TRAM2: variants seen among roughly 807,000 people sequenced by gnomAD.
The protein encoded by TRAM2 is translocation associated membrane protein 2, also known as translocating chain-associated membrane protein 2.
A neutral mutation model predicts 51.0 loss-of-function variants in TRAM2; 12 were observed. The observed-to-expected ratio is 0.24, with a 90% CI of 0.15 to 0.38. TRAM2 has a LOEUF of 0.38. Ranked by LOEUF, TRAM2 falls within the 10% of genes least tolerant of loss-of-function variation. TRAM2 has a pLI of 1.00. For missense variants in TRAM2, 361 were observed against 462.0 expected, an observed-to-expected ratio of 0.78 and a Z score of 2.00; for synonymous variants, 175 against 179.4, an observed-to-expected ratio of 0.98 and a Z score of 0.20.
chr6:52,516,649 C>T lies in TRAM2; in HGVS notation c.273G>A (p.Val91=). The change falls in exon 3 of 11, where the codon GTG becomes GTA. Residue 91 remains valine, a synonymous_variant. Coordinates refer to ENST00000182527, the MANE Select transcript of TRAM2 (RefSeq NM_012288.4). ...TTACATCTAAAATGTACTCCTGAAC[C>T]ACAGCATGCAAGATGATGGTGATGA... is the stretch of plus-strand genomic sequence containing the variant. ...YIFITIILHA[V]VQEYILDKIS... 6.2e-7 allele frequency: 1 copy of T among 1,614,002 alleles called. No individual in the cohort carries two copies. Among genetic ancestry groups the T allele is most frequent in the East Asian group, 2.2e-5 (1 of 44,884 alleles).
intron 2 of TRAM2, among the ~76,000 whole-genome samples, chr6:52,518,957 C>A (rs1766610111): frequency 6.6e-6 from 1 of 152,244 alleles, no homozygotes; most frequent in Non-Finnish European, 1.5e-5. Context: ...CTTAGATTAT[C>A]CATTTTAAAG....
intron 10 of TRAM2, 87 bp from the exon 11 acceptor site, chr6:52,503,357 G>A: frequency 8.0e-7 from 1 of 1,242,704 alleles, no homozygotes; most frequent in Non-Finnish European, 1.2e-6. Flanking sequence ...CCAAGGAAGG[G>A]GCCCGGGCAG....
chr6:52,535,553 C>A (rs564943475), intron 2 of TRAM2, among the ~76,000 whole-genome samples: 1 of 152,120 alleles, frequency 6.6e-6, no homozygotes, highest in South Asian at 2.1e-4. Flanking sequence ...TGGTGGCACA[C>A]GCCTGTAATC....
Position 52,502,321 on chromosome 6 carries a change from C to G in TRAM2, c.*876G>C, listed in dbSNP as rs1001328040. On this transcript the variant is annotated 3_prime_UTR_variant, in exon 11 of 11. Transcript: ENST00000182527. Reference sequence around the variant, plus strand: ...TGAATGGCTGAAAAAGCAATGGCGACTGGGACTGCTGGAGAAAGGCCTAGG... The same window carrying G: ...TGAATGGCTGAAAAAGCAATGGCGAGTGGGACTGCTGGAGAAAGGCCTAGG... 6 of 152,348 alleles carry G rather than the reference C, an allele frequency of 3.9e-5. No homozygotes were observed. The highest frequency in any genetic ancestry group is 1.2e-4 in the African/African-American group (5 of 41,480). The allele number at this position is 152,348 out of a possible 1,614,324, so 9.4% of individuals were successfully genotyped here. A position where few individuals can be genotyped will look rare whatever the true frequency, so the allele number is the denominator to read the frequency against.
chr6:52,505,969 C>T (rs532835969), intron 8 of TRAM2, 63 bp downstream of exon 8: 276 of 1,567,812 alleles, frequency 1.8e-4, no homozygotes, highest in Admixed American at 2.5e-4. Flanking sequence ...TCCAACCATC[C>T]GGGCCTCGGG....
At chr6:52,531,540 A>G (rs941107827) in intron 2 of TRAM2, among the ~76,000 whole-genome samples, 1 of 152,164 alleles carries the variant, frequency 6.6e-6, no homozygotes, top group Non-Finnish European at 1.5e-5. Flanking sequence ...CAGGAGCAGA[A>G]TTCAATAGTG....
chr6:52,504,986 G>A (rs1227599374), intron 9 of TRAM2, among the ~76,000 whole-genome samples: 4 of 152,252 alleles, frequency 2.6e-5, no homozygotes, highest in African/African-American at 4.8e-5. Flanking sequence ...AGGAAGTGGC[G>A]ACAGACGTAC....
chr6:52,571,953 G>T (rs1376244930), intron 1 of TRAM2, among the ~76,000 whole-genome samples: 2 of 152,194 alleles, frequency 1.3e-5, no homozygotes. Context: ...GGTAGTTAGG[G>T]TTAAAATGTC....
chr6:52,524,621 AGT>A (rs1306299177), intron 2 of TRAM2: 12 of 152,314 alleles, frequency 7.9e-5, no homozygotes, highest in African/African-American at 2.9e-4. Flanking sequence ...TGTACAGGAA[AGT>A]GTTTTAATAC....
chr6:52,544,585 C>T (rs1767164471), intron 1 of TRAM2, among the ~76,000 whole-genome samples: 1 of 152,218 alleles, frequency 6.6e-6, no homozygotes, highest in Admixed American at 6.5e-5. Context: ...CGTTTGAGTC[C>T]ATCTTGCTCG....
intron 5 of TRAM2, among the ~76,000 whole-genome samples, chr6:52,509,220 G>A (rs1766404466): frequency 6.6e-6 from 1 of 152,182 alleles, no homozygotes; most frequent in Non-Finnish European, 1.5e-5. Context: ...GGATGTCAGG[G>A]GGTCGCCAAG....
rs577087975 is a variant in TRAM2 at position 52,505,208 on chromosome 6, C to T, written c.875+391G>A. ...CAAATCACTCTCCTGGGCCTAGGGG[C>T]TCCGGAAAATAGTGGCTTCCTCACT... On this transcript the variant is annotated intron_variant, in intron 9 of 10. Transcript: ENST00000182527. Among the ~76,000 whole-genome samples, 4 of 152,308 alleles carry T rather than the reference C, an allele frequency of 2.6e-5. No homozygotes were observed. The South Asian group carries it at 8.3e-4, about 32-fold the overall frequency.
Position 52,535,784 on chromosome 6 carries a change from T to A in TRAM2, c.183A>T (p.Ala61=). 1 of 1,613,410 alleles carries A rather than the reference T, an allele frequency of 6.2e-7. No individual in the cohort carries two copies. Among genetic ancestry groups the A allele is most frequent in the Non-Finnish European group, 8.5e-7 (1 of 1,179,406 alleles). ...LPQYNISVPT[A]DSETVHYHYG... is the part of the protein sequence containing the mutation. ...AAGATGGAGACCAGTGATTCTTACC[T>A]GCTGTAGGCACGCTAATGTTATACT... The change falls in exon 2 of 11, where the codon GCA becomes GCT. Residue 61 remains alanine (A), a splice_region_variant and synonymous_variant. Coordinates refer to ENST00000182527, the MANE Select transcript of TRAM2 (RefSeq NM_012288.4).
At chr6:52,524,947 A>G (rs1766748548) in intron 2 of TRAM2, 1 of 152,276 alleles carries the variant, frequency 6.6e-6, no homozygotes, top group South Asian at 2.1e-4. Context: ...AGATGAAAGT[A>G]TTATGCCTAC....
intron 1 of TRAM2, among the ~76,000 whole-genome samples, chr6:52,561,494 T>C (rs1450566266): frequency 1.3e-5 from 2 of 150,862 alleles, no homozygotes; most frequent in Admixed American, 6.6e-5. Flanking sequence ...TTTCTTTTTT[T>C]TTTTTTTTTG....
At chr6:52,535,685 GGA>G in intron 2 of TRAM2, 96 bp downstream of exon 2, 3 of 1,156,728 alleles carry the variant, frequency 2.6e-6, no homozygotes, top group Non-Finnish European at 3.7e-6. Flanking sequence ...CCGTCATGGG[GGA>G]AAAAAAAAAA....
chr6:52,570,038 T>C (rs1767651807), intron 1 of TRAM2, among the ~76,000 whole-genome samples: 1 of 152,216 alleles, frequency 6.6e-6, no homozygotes, highest in South Asian at 2.1e-4. Flanking sequence ...GAGGGTCTTA[T>C]TTTGTTTTTC....
chr6:52,569,914 A>C (rs1767650189), intron 1 of TRAM2, among the ~76,000 whole-genome samples: 1 of 152,222 alleles, frequency 6.6e-6, no homozygotes, highest in African/African-American at 2.4e-5. Flanking sequence ...ATTCACTAGA[A>C]TTCCAGTGGG....
intron 1 of TRAM2, among the ~76,000 whole-genome samples, 190 bp from the exon 2 acceptor site, chr6:52,536,036 C>G (rs192305622): frequency 3.3e-5 from 5 of 152,218 alleles, no homozygotes; most frequent in Admixed American, 3.3e-4. Context: ...ATACCTGTAC[C>G]CTGGGACTCA....
Sources: allele counts gnomAD v4.1 joint callset (sites outside exome capture counted in the v4.1 genomes callset), GRCh38; gene constraint gnomAD v4.1.1; transcripts MANE v1.5; gene names NCBI Gene and HGNC (gene_info 2026-07-23, HGNC 2026-07-21).